DNAJC7: variants seen among roughly 807,000 people sequenced by gnomAD.
DNAJC7 encodes the protein DnaJ heat shock protein family (Hsp40) member C7, also known as dnaJ homolog subfamily C member 7.
In DNAJC7, 18 loss-of-function variants were observed where a neutral mutation model predicts 67.4. That is an observed-to-expected ratio of 0.27 (90% confidence interval 0.18 to 0.40). The LOEUF (loss-of-function observed/expected upper bound fraction) is 0.40. DNAJC7 is among the 10% of genes least tolerant of loss of function. The pLI is 1.00. For missense variants in DNAJC7, 419 were observed against 613.8 expected, an observed-to-expected ratio of 0.68 and a Z score of 3.35; for synonymous variants, 220 against 207.8, an observed-to-expected ratio of 1.06 and a Z score of -0.50.
intron 6 of DNAJC7, 85 bp from the exon 7 acceptor site, chr17:41,989,642 G>T: frequency 6.5e-7 from 1 of 1,529,236 alleles, no homozygotes; most frequent in South Asian, 1.2e-5. Context: ...TTTCCTCCTT[G>T]ACCATGTGTC....
chr17:41,987,130 G>C (rs2051404456), intron 9 of DNAJC7, among the ~76,000 whole-genome samples: 1 of 152,098 alleles, frequency 6.6e-6, no homozygotes, highest in Admixed American at 6.6e-5. Context: ...CCAGCTGGTG[G>C]GTCTAAGAGT....
intron 4 of DNAJC7, among the ~76,000 whole-genome samples, chr17:41,995,860 T>C (rs1555648537): frequency 6.6e-6 from 1 of 152,256 alleles, no homozygotes; most frequent in Non-Finnish European, 1.5e-5. Context: ...CGGGCTATAG[T>C]GCAGTGGTGC....
intron 5 of DNAJC7, among the ~76,000 whole-genome samples, chr17:41,992,999 CTT>C (rs530240701): frequency 5.1e-4 from 77 of 152,314 alleles, no homozygotes; most frequent in Non-Finnish European, 7.3e-4. Context: ...ACAAAACAAA[CTT>C]ATGAATTACA....
At position 41,983,903 on chromosome 17, in the gene DNAJC7, TTC is replaced by T. The variant is rs148801346; in HGVS notation, c.1011-269_1011-268del. Among the ~76,000 whole-genome samples the T allele has an allele frequency of 9.6e-4, 147 of 152,374 alleles. 1 individual carries two copies. The East Asian group carries it at 0.024, about 25-fold the overall frequency. ...AAAGTAATCAAGAGGAAAAAGTTCCTTCTGACACACAGCCACCTAAGAGGTAC... is the reference window on the plus strand; with the variant it reads ...AAAGTAATCAAGAGGAAAAAGTTCCTTGACACACAGCCACCTAAGAGGTAC... On this transcript the variant is annotated intron_variant, in intron 9 of 13. Transcript: ENST00000457167.
chr17:41,985,584 C>T (rs1162677704), intron 9 of DNAJC7: 3 of 152,154 alleles, frequency 2.0e-5, no homozygotes, highest in Non-Finnish European at 4.4e-5. Flanking sequence ...CAGGGATATC[C>T]TCACATTTTA....
intron 4 of DNAJC7, among the ~76,000 whole-genome samples, chr17:41,995,952 G>A (rs1056640605): frequency 6.6e-6 from 1 of 152,208 alleles, no homozygotes; most frequent in Non-Finnish European, 1.5e-5. Flanking sequence ...ACAGGTAGGT[G>A]CATGGCACCA....
At chr17:42,013,291 T>C (rs1332957201) in intron 1 of DNAJC7, 1 of 152,182 alleles carries the variant, frequency 6.6e-6, no homozygotes, top group Non-Finnish European at 1.5e-5. Context: ...CAGAGTGACA[T>C]GCAAAAAAAT....
chr17:41,994,993 AAAC>A (rs2051617571), intron 4 of DNAJC7, 49 bp from the exon 5 acceptor site: 2 of 1,511,480 alleles, frequency 1.3e-6, no homozygotes, highest in East Asian at 2.3e-5. Context: ...GCTGTAGATT[AAAC>A]AACCACAAAA....
intron 1 of DNAJC7, among the ~76,000 whole-genome samples, chr17:42,004,080 G>A (rs1439623467): frequency 2.0e-5 from 3 of 149,554 alleles, no homozygotes; most frequent in East Asian, 4.0e-4. Flanking sequence ...TTAGCCTCCC[G>A]AGTAGCTGGG....
intron 8 of DNAJC7, among the ~76,000 whole-genome samples, chr17:41,988,527 A>C (rs1555647210): frequency 6.6e-6 from 1 of 152,246 alleles, no homozygotes; most frequent in Non-Finnish European, 1.5e-5. Context: ...ACAGGTGAGA[A>C]TATCCTTGCA....
chr17:41,995,621 A>AT (rs2051636599), intron 4 of DNAJC7, among the ~76,000 whole-genome samples: 1 of 152,224 alleles, frequency 6.6e-6, no homozygotes, highest in African/African-American at 2.4e-5. Context: ...AGCCACTGCC[A>AT]TATAGCCTAG....
chr17:41,994,956 A>G lies in DNAJC7; in HGVS notation c.406-12T>C. The G allele has an allele frequency of 6.2e-7, 1 of 1,609,122 alleles. No homozygotes were observed. Among genetic ancestry groups the G allele is most frequent in the Non-Finnish European group, 8.5e-7 (1 of 1,176,668 alleles). On this transcript the variant is annotated splice_polypyrimidine_tract_variant and intron_variant, in intron 4 of 13. Transcript: ENST00000457167. ...TTAGCATTCTTGAACTGCACCGGAA[A>G]ATCAGACATAGGAAAGTTTTAATGA...
At chr17:41,992,527 T>G (rs1376786840) in intron 5 of DNAJC7, 2 of 151,824 alleles carry the variant, frequency 1.3e-5, no homozygotes, top group African/African-American at 4.8e-5. Context: ...GTAGGTAGAG[T>G]TGTGCTAACT....
chr17:41,989,450 G>A lies in DNAJC7; in HGVS notation c.707C>T (p.Ala236Val). The change falls in exon 7 of 14, where the codon GCT becomes GTT. Residue 236 changes from alanine to valine, a missense_variant. Coordinates refer to ENST00000457167, the MANE Select transcript of DNAJC7 (RefSeq NM_003315.4). ...CTCGTGGTCAGGAGCCATCCTGAGA[G>A]CCTGTACGAAAAACTGAACTGCCTT... The part of the protein sequence containing the change: ...IEKAVQFFVQ[A>V]LRMAPDHEKA... 1 of 1,614,016 alleles carries A rather than the reference G, an allele frequency of 6.2e-7. No homozygotes were observed. Among genetic ancestry groups the A allele is most frequent in the Non-Finnish European group, 8.5e-7 (1 of 1,179,896 alleles).
intron 10 of DNAJC7, among the ~76,000 whole-genome samples, chr17:41,982,753 G>A (rs2051282650): frequency 6.6e-6 from 1 of 152,182 alleles, no homozygotes; most frequent in Non-Finnish European, 1.5e-5. Flanking sequence ...GAGGTCAGGA[G>A]TTCGGGACTA....
intron 9 of DNAJC7, among the ~76,000 whole-genome samples, chr17:41,987,002 A>T (rs140075046): frequency 1.3e-5 from 2 of 152,308 alleles, no homozygotes; most frequent in Non-Finnish European, 2.9e-5. Flanking sequence ...CAATAAATAC[A>T]TCTTCTCTAA....
At chr17:41,977,375 A>G in intron 12 of DNAJC7, 52 bp from the exon 13 acceptor site, 2 of 1,495,128 alleles carry the variant, frequency 1.3e-6, no homozygotes, top group Non-Finnish European at 1.8e-6. Flanking sequence ...AAAAATTAGA[A>G]ATGTTCGAAG....
chr17:41,998,613 T>C (rs2051722306), intron 2 of DNAJC7, among the ~76,000 whole-genome samples: 1 of 152,238 alleles, frequency 6.6e-6, no homozygotes, highest in South Asian at 2.1e-4. Context: ...CTTATTAATC[T>C]TAATGAACTG....
At chr17:41,983,229 A>G (rs964781982) in intron 10 of DNAJC7, among the ~76,000 whole-genome samples, 12 of 152,052 alleles carry the variant, frequency 7.9e-5, no homozygotes, top group African/African-American at 2.9e-4. Context: ...GGTTCAAGGA[A>G]TTCTCGTGCC....
Sources: gnomAD v4.1 joint callset for allele counts (sites outside exome capture counted in the v4.1 genomes callset) on GRCh38, gnomAD v4.1.1 for gene constraint, MANE v1.5 for transcripts, NCBI Gene and HGNC (gene_info 2026-07-23, HGNC 2026-07-21) for gene names.